Variants in SPECC1L observed in about 807,000 individuals in gnomAD.
SPECC1L encodes sperm antigen with calponin homology and coiled-coil domains 1 like, also known as cytospin-A.
In SPECC1L, 40 loss-of-function variants were observed where a neutral mutation model predicts 116.8. That is an observed-to-expected ratio of 0.34 (90% CI 0.27 to 0.45). The LOEUF is 0.45. SPECC1L is among the 20% of genes least tolerant of loss of function. The probability of loss-of-function intolerance (pLI) is 1.00; values close to 1 mark genes in which losing one functional copy is unlikely to be tolerated. For synonymous variants in SPECC1L, 504 were observed against 500.6 expected (o/e 1.01, Z -0.09); for missense variants, 1,110 against 1,373.6 (o/e 0.81, Z 3.03).
At chr22:24,375,849 C>T (rs1250344840) in intron 14 of SPECC1L, among the ~76,000 whole-genome samples, 1 of 152,040 alleles carries the variant, frequency 6.6e-6, no homozygotes, top group Non-Finnish European at 1.5e-5. Flanking sequence ...ACTTGGGAGG[C>T]TGAGACATGA....
At chr22:24,327,294 A>AC (rs2040844515) in intron 6 of SPECC1L, among the ~76,000 whole-genome samples, 1 of 151,154 alleles carries the variant, frequency 6.6e-6, no homozygotes, top group African/African-American at 2.4e-5. Context: ...AAAAAAAAAA[A>AC]AAAAAAAACA....
rs74576711 is a variant in SPECC1L at position 24,291,139 on chromosome 22, A to G, written c.-37-11056A>G. Among the ~76,000 whole-genome samples, 1,269 of 152,346 alleles carry G rather than the reference A, an allele frequency of 8.3e-3. 21 individuals are homozygous for G. The highest frequency in any genetic ancestry group is 0.03 in the African/African-American group (1,227 of 41,580). ...AAATAAGAGAGATAAATATATTTAGATTGCTTAGGTTAAAAACCCTTTTTG... is the reference window on the plus strand; with the variant it reads ...AAATAAGAGAGATAAATATATTTAGGTTGCTTAGGTTAAAAACCCTTTTTG... On this transcript the variant is annotated intron_variant, in intron 2 of 16. Transcript: ENST00000314328.
At chr22:24,414,159 C>G (rs2042757637) in intron 16 of SPECC1L, among the ~76,000 whole-genome samples, 1 of 152,312 alleles carries the variant, frequency 6.6e-6, no homozygotes, top group African/African-American at 2.4e-5. Flanking sequence ...GAGAGAAATT[C>G]TCCTAGGCCA....
intron 2 of SPECC1L, among the ~76,000 whole-genome samples, chr22:24,278,496 T>G (rs978933343): frequency 3.3e-5 from 5 of 152,194 alleles, no homozygotes; most frequent in African/African-American, 1.2e-4. Context: ...ATAGTAATAT[T>G]GCATAATATA....
intron 2 of SPECC1L, among the ~76,000 whole-genome samples, chr22:24,282,039 G>A (rs1210473457): frequency 6.6e-6 from 1 of 152,228 alleles, no homozygotes; most frequent in African/African-American, 2.4e-5. Flanking sequence ...GATGGGCCAG[G>A]AGTGCTGATT....
chr22:24,403,155 T>C (rs1291001077), intron 14 of SPECC1L, among the ~76,000 whole-genome samples: 1 of 152,208 alleles, frequency 6.6e-6, no homozygotes, highest in Non-Finnish European at 1.5e-5. Context: ...GGATGAAGGA[T>C]GTGTGCCCTT....
At chr22:24,330,529 T>TA (rs2040916975) in intron 8 of SPECC1L, 98 bp downstream of exon 8, 4 of 1,344,766 alleles carry the variant, frequency 3.0e-6, no homozygotes, top group Non-Finnish European at 4.2e-6. Context: ...TGGAGTTTGA[T>TA]ACTTACTGAG....
At chr22:24,316,737 T>C (rs1173705862) in intron 4 of SPECC1L, among the ~76,000 whole-genome samples, 1 of 150,008 alleles carries the variant, frequency 6.7e-6, no homozygotes, top group Non-Finnish European at 1.5e-5. Context: ...CTTTCCCCCC[T>C]TTCTATTCCA....
intron 13 of SPECC1L, among the ~76,000 whole-genome samples, chr22:24,368,214 C>G (rs180743548): frequency 1.8e-3 from 273 of 152,284 alleles, no homozygotes; most frequent in African/African-American, 5.1e-3. Flanking sequence ...TTTAACCCCC[C>G]CAAACTTCTA....
At chr22:24,386,720 C>G (rs2042167422) in intron 14 of SPECC1L, among the ~76,000 whole-genome samples, 1 of 152,088 alleles carries the variant, frequency 6.6e-6, no homozygotes, top group Admixed American at 6.5e-5. Flanking sequence ...TCTCCTGCCT[C>G]AGCCTCCCAA....
intron 16 of SPECC1L, 119 bp from the exon 17 acceptor site, chr22:24,414,415 C>T: frequency 2.5e-6 from 2 of 815,270 alleles, no homozygotes; most frequent in Non-Finnish European, 4.2e-6. Context: ...TGTAATTAGG[C>T]CTAGAAAATA....
At chr22:24,272,780 A>G (rs1049617993) in intron 1 of SPECC1L, among the ~76,000 whole-genome samples, 13 of 152,192 alleles carry the variant, frequency 8.5e-5, no homozygotes, top group Admixed American at 2.0e-4. Flanking sequence ...AATTGTTTCA[A>G]TAAATGGCTA....
At position 24,363,344 on chromosome 22, in the gene SPECC1L, G is replaced by A; in HGVS notation, c.2827G>A (p.Val943Met). Residue 943 changes from valine (V) to methionine (M), a missense_variant and splice_region_variant, in exon 12 of 17, where the codon GTG (valine) becomes ATG (methionine). Physicochemically the swap from Val to Met is conservative, Grantham distance 21. This residue lies in a region of SPECC1L where 575 missense variants were observed against 682.4 expected (regional missense o/e 0.84). Coordinates refer to ENST00000314328, the MANE Select transcript of SPECC1L (RefSeq NM_015330.6). The part of the protein sequence containing the change: ...PAMESAKTLS[V>M]SRRSSEEVKR... ...GATGGAAAGTGCCAAGACCCTCTCA[G>A]GTGATGACTTTCATCTGAATTTTTG... The A allele has an allele frequency of 6.2e-7, 1 of 1,613,480 alleles. No individual in the cohort carries two copies. Among genetic ancestry groups the A allele is most frequent in the South Asian group, 1.1e-5 (1 of 91,066 alleles).
Position 24,324,249 on chromosome 22 carries a change from A to C in SPECC1L, c.1968A>C (p.Glu656Asp). Reference protein sequence around the residue: ...KVEDEYRAFQEEAKKQIEDLN... With the variant: ...KVEDEYRAFQDEAKKQIEDLN... ...AGGATGAATACCGAGCCTTCCAAGA[A>C]GAAGCTAAGAAACAAATTGAAGATT... is the stretch of plus-strand genomic sequence containing the variant. The change falls in exon 6 of 17, where the codon GAA becomes GAC. Residue 656 changes from glutamate to aspartate, a missense_variant. By Grantham distance (45) the Glu-to-Asp change is conservative (BLOSUM62 2). This residue lies in a region of SPECC1L where 575 missense variants were observed against 682.4 expected (regional missense o/e 0.84). Transcript: ENST00000314328. 6.2e-7 allele frequency: 1 copy of C among 1,614,074 alleles called. No homozygotes were observed. The highest frequency in any genetic ancestry group is 8.5e-7 in the Non-Finnish European group (1 of 1,180,000).
At chr22:24,411,417 G>A (rs563253972) in intron 14 of SPECC1L, among the ~76,000 whole-genome samples, 171 bp from the exon 15 acceptor site, 36 of 152,276 alleles carry the variant, frequency 2.4e-4, no homozygotes, top group African/African-American at 7.9e-4. Context: ...TGGGTGGGAC[G>A]GGTTGGGGAG....
At position 24,292,559 on chromosome 22, in the gene SPECC1L, C is replaced by T. The variant is rs562141702; in HGVS notation, c.-37-9636C>T. 1.1e-4 allele frequency among the ~76,000 whole-genome samples: 16 copies of T among 152,266 alleles called. No individual in the cohort carries two copies. The East Asian group carries it at 3.1e-3, about 29-fold the overall frequency. ...AGTGATTAAGTGATTTGTCCAGAGT[C>T]ACACAACTTGGATGGCAGAACTGGA... On this transcript the variant is annotated intron_variant, in intron 2 of 16. Transcript: ENST00000314328.
At chr22:24,361,739 C>T (rs1245523186) in intron 11 of SPECC1L, among the ~76,000 whole-genome samples, 8 of 151,754 alleles carry the variant, frequency 5.3e-5, no homozygotes, top group African/African-American at 1.5e-4. Flanking sequence ...GAGGTTGCAG[C>T]GAGCCAAGAT....
rs374718404 is a variant in SPECC1L, at chr22:24,322,411, T to C, written c.1431T>C (p.Tyr477=). The C allele has an allele frequency of 2.5e-6, 4 of 1,614,092 alleles. No homozygotes were observed. Among genetic ancestry groups the C allele is most frequent in the Admixed American group, 1.7e-5 (1 of 60,014 alleles). Residue 477 remains tyrosine, a synonymous_variant, in exon 5 of 17, where the codon TAT becomes TAC. Coordinates refer to ENST00000314328, the MANE Select transcript of SPECC1L (RefSeq NM_015330.6). ...TTCTAGATGAGCATCACATTTCTTA[T>C]GTCATAGATGAAGATGTAAAAAGTG... ...RSLLDEHHIS[Y]VIDEDVKSGR...
intron 11 of SPECC1L, among the ~76,000 whole-genome samples, chr22:24,359,112 A>G (rs756771257): frequency 1.6e-4 from 25 of 151,906 alleles, no homozygotes; most frequent in Non-Finnish European, 2.6e-4. Flanking sequence ...AAAAAAAACT[A>G]TCCTCCCTCT....
Sources: allele counts gnomAD v4.1 joint callset (sites outside exome capture counted in the v4.1 genomes callset), GRCh38; gene constraint gnomAD v4.1.1; regional missense constraint gnomAD v4.1.1; transcripts MANE v1.5; gene names NCBI Gene and HGNC (gene_info 2026-07-23, HGNC 2026-07-21).